Variants in SPEF2 observed in about 807,000 individuals in gnomAD.
The protein encoded by SPEF2 is sperm flagella and cilia-associated protein 2.
In SPEF2, 187 loss-of-function variants were observed where a neutral mutation model predicts 224.6. The observed-to-expected ratio is 0.83, with a 90% CI of 0.74 to 0.94. The LOEUF is 0.94. Among genes scored for constraint, SPEF2 ranks in the 40% least tolerant of loss-of-function variants. SPEF2 has a pLI of 0.00. For missense variants in SPEF2, 2,170 were observed against 2,135.6 expected (o/e 1.02, Z -0.32); for synonymous variants, 715 against 707.3 (o/e 1.01, Z -0.17).
chr5:35,661,300 T>A (rs1299399648), intron 8 of SPEF2, among the ~76,000 whole-genome samples: 49 of 117,582 alleles, frequency 4.2e-4, no homozygotes, highest in African/African-American at 1.3e-3. Flanking sequence ...ATATATATAT[T>A]ATACACACAT....
chr5:35,730,577 A>G (rs1216325608), intron 21 of SPEF2, among the ~76,000 whole-genome samples: 1 of 152,216 alleles, frequency 6.6e-6, no homozygotes, highest in Non-Finnish European at 1.5e-5. Context: ...TCAATTCTCT[A>G]CTGGCCTTGC....
intron 21 of SPEF2, among the ~76,000 whole-genome samples, chr5:35,730,989 G>A (rs1745549637): frequency 6.6e-6 from 1 of 152,130 alleles, no homozygotes; most frequent in South Asian, 2.1e-4. Context: ...AATTATGAAA[G>A]GATAGGAATT....
Position 35,644,405 on chromosome 5 carries a change from T to C in SPEF2, c.465T>C (p.Ile155=). 1.9e-6 allele frequency: 3 copies of C among 1,608,276 alleles called. No homozygotes were observed. Among genetic ancestry groups the C allele is most frequent in the Non-Finnish European group, 2.5e-6 (3 of 1,177,206 alleles). The change falls in exon 4 of 37, where the codon ATT becomes ATC. Residue 155 remains isoleucine, a synonymous_variant. Coordinates refer to ENST00000356031, the MANE Select transcript of SPEF2 (RefSeq NM_024867.4). ...PRQTDFNLMR[I]TYRFQEKYKH... is the part of the protein sequence containing the mutation. ...AAACTGATTTCAATCTGATGCGGAT[T>C]ACATACAGGTTTCAAGAAAAATATA... is the stretch of plus-strand genomic sequence containing the variant.
intron 26 of SPEF2, chr5:35,764,558 G>A (rs969806117): frequency 2.2e-6 from 1 of 456,142 alleles, no homozygotes; most frequent in Middle Eastern, 3.3e-4. Context: ...GGTCTACCAA[G>A]ATGTCTTCTC....
At chr5:35,806,465 T>TTG (rs2149872496) in intron 34 of SPEF2, among the ~76,000 whole-genome samples, 1 of 152,354 alleles carries the variant, frequency 6.6e-6, no homozygotes, top group South Asian at 2.1e-4. Flanking sequence ...ATGTATGAAG[T>TTG]TGTGTAGGAC....
At chr5:35,725,344 T>C (rs552435509) in intron 20 of SPEF2, among the ~76,000 whole-genome samples, 1 of 152,344 alleles carries the variant, frequency 6.6e-6, no homozygotes, top group Admixed American at 6.5e-5. Context: ...GGTTTCTATC[T>C]AGTGAAGCTG....
At chr5:35,787,554 A>G (rs754912190) in intron 30 of SPEF2, among the ~76,000 whole-genome samples, 1 of 152,134 alleles carries the variant, frequency 6.6e-6, no homozygotes, top group Non-Finnish European at 1.5e-5. Context: ...CTACTGGTGT[A>G]ACTCCGCTCC....
intron 20 of SPEF2, among the ~76,000 whole-genome samples, chr5:35,725,424 A>AAACAAC (rs560382919): frequency 2.0e-5 from 3 of 152,018 alleles, no homozygotes; most frequent in Admixed American, 6.6e-5. Context: ...TCTTAAAAGA[A>AAACAAC]AACAACAACA....
chr5:35,705,520 ATTGTTTCTTT>A, intron 17 of SPEF2, 121 bp from the exon 18 acceptor site: 1 of 614,716 alleles, frequency 1.6e-6, no homozygotes, highest in South Asian at 2.8e-5. Flanking sequence ...AATAAATAAC[ATTGTTTCTTT>A]TTCAGATACA....
intron 8 of SPEF2, among the ~76,000 whole-genome samples, chr5:35,660,454 A>G (rs1749551564): frequency 6.6e-6 from 1 of 152,226 alleles, no homozygotes; most frequent in African/African-American, 2.4e-5. Flanking sequence ...AAAATTATGC[A>G]ATTTTTAGAA....
chr5:35,793,293 TGTG>T lies in SPEF2; in HGVS notation c.4691_4693del (p.Val1564del). On this transcript the variant is annotated inframe_deletion, in exon 32 of 37. Coordinates refer to ENST00000356031, the MANE Select transcript of SPEF2 (RefSeq NM_024867.4). ...TTGAGACCCTTCAGAAGTTCAAGGC[TGTG>T]GATAAGGAGCAGTTGGGCACCATCA... The T allele has an allele frequency of 6.2e-7, 1 of 1,614,134 alleles. No individual in the cohort carries two copies. The highest frequency in any genetic ancestry group is 1.1e-5 in the South Asian group (1 of 91,080).
At chr5:35,721,522 A>G (rs1743657711) in intron 20 of SPEF2, among the ~76,000 whole-genome samples, 1 of 152,220 alleles carries the variant, frequency 6.6e-6, no homozygotes, top group Admixed American at 6.5e-5. Flanking sequence ...CCCAAAAAGC[A>G]GTCTGTAACC....
intron 31 of SPEF2, 106 bp downstream of exon 31, chr5:35,792,552 T>A: frequency 1.2e-6 from 1 of 838,034 alleles, no homozygotes; most frequent in Non-Finnish European, 1.9e-6. Context: ...TGACATTTAG[T>A]AGGCAATCAA....
intron 29 of SPEF2, among the ~76,000 whole-genome samples, chr5:35,777,815 C>T (rs970045120): frequency 2.0e-5 from 3 of 152,170 alleles, no homozygotes; most frequent in Admixed American, 1.3e-4. Context: ...CTAGGTGGCG[C>T]GCATCTGTTT....
chr5:35,788,638 G>C (rs149584011), intron 30 of SPEF2: 3 of 702,934 alleles, frequency 4.3e-6, no homozygotes, highest in Non-Finnish European at 7.8e-6. Context: ...TTAGACTGTC[G>C]AGCCAAGACT....
At position 35,740,148 on chromosome 5, in the gene SPEF2, C is replaced by G; in HGVS notation, c.3211C>G (p.Leu1071Val). 1 of 1,614,094 alleles carries G rather than the reference C, an allele frequency of 6.2e-7. No individual in the cohort carries two copies. The highest frequency in any genetic ancestry group is 8.5e-7 in the Non-Finnish European group (1 of 1,180,002). Residue 1071 changes from leucine (L) to valine (V), a missense_variant, in exon 23 of 37, where the codon CTA becomes GTA. Coordinates refer to ENST00000356031, the MANE Select transcript of SPEF2 (RefSeq NM_024867.4). ...YEIRTSFQEFLKRPDHKQDFV... is the reference protein window; with the variant it reads ...YEIRTSFQEFVKRPDHKQDFV... ...CTACAGAACAAGTTTCCAGGAGTTT[C>G]TAAAGCGTCCGGATCACAAGCAAGA...
chr5:35,788,213 A>C (rs1755443577), intron 30 of SPEF2: 1 of 703,020 alleles, frequency 1.4e-6, no homozygotes, highest in Admixed American at 2.0e-5. Flanking sequence ...AATGATGAGG[A>C]CCATGAGCAA....
At chr5:35,743,592 T>C (rs1379440024) in intron 23 of SPEF2, among the ~76,000 whole-genome samples, 3 of 152,184 alleles carry the variant, frequency 2.0e-5, no homozygotes, top group African/African-American at 7.2e-5. Context: ...CTTTGCTTCA[T>C]GCCCTATGAC....
chr5:35,813,395 G>A (rs544317116), intron 36 of SPEF2, among the ~76,000 whole-genome samples: 1 of 152,206 alleles, frequency 6.6e-6, no homozygotes, highest in East Asian at 1.9e-4. Context: ...AGAAAACTGA[G>A]GTGGGAGGAT....
Sources: allele counts gnomAD v4.1 joint callset (sites outside exome capture counted in the v4.1 genomes callset), GRCh38; gene constraint gnomAD v4.1.1; transcripts MANE v1.5; gene names NCBI Gene and HGNC (gene_info 2026-07-23, HGNC 2026-07-21).